BIRC6: variants seen among roughly 807,000 people sequenced by gnomAD.
BIRC6 encodes the protein dual E2 ubiquitin-conjugating enzyme/E3 ubiquitin-protein ligase BIRC6.
In BIRC6, 98 loss-of-function variants were observed where a neutral mutation model predicts 503.3. That is an observed-to-expected ratio of 0.19 (90% confidence interval 0.17 to 0.23). The LOEUF (loss-of-function observed/expected upper bound fraction) is 0.23. Ranked by LOEUF, BIRC6 falls within the 10% of genes least tolerant of loss-of-function variation. The probability of loss-of-function intolerance (pLI) is 1.00; values close to 1 mark genes in which losing one functional copy is unlikely to be tolerated. For missense variants in BIRC6, 5,360 were observed against 5,806.0 expected (o/e 0.92, Z 2.50); for synonymous variants, 2,240 against 2,078.7 (o/e 1.08, Z -2.11).
chr2:32,463,111 A>G (rs559849447), intron 23 of BIRC6, 83 bp from the exon 24 acceptor site: 5 of 1,217,266 alleles, frequency 4.1e-6, no homozygotes, highest in East Asian at 2.6e-5. Context: ...AATAGTGCCA[A>G]AATATTTGAA....
intron 8 of BIRC6, among the ~76,000 whole-genome samples, chr2:32,404,300 T>A (rs370760143): frequency 6.6e-6 from 1 of 152,088 alleles, no homozygotes; most frequent in Non-Finnish European, 1.5e-5. Flanking sequence ...GTGTACAATT[T>A]AGTTATTTTA....
intron 73 of BIRC6, among the ~76,000 whole-genome samples, chr2:32,616,484 T>TC (rs1559164868): frequency 6.9e-6 from 1 of 144,616 alleles, no homozygotes; most frequent in Non-Finnish European, 1.5e-5. Flanking sequence ...TGCTTGCGTC[T>TC]GGGAGGTGGA....
chr2:32,374,209 TAA>T (rs1381204212), intron 1 of BIRC6, among the ~76,000 whole-genome samples: 2 of 152,166 alleles, frequency 1.3e-5, no homozygotes, highest in Non-Finnish European at 2.9e-5. Context: ...AAAAACTACA[TAA>T]TTGAAAAAAA....
At chr2:32,560,798 G>T (rs1358799429) in intron 65 of BIRC6, among the ~76,000 whole-genome samples, 2 of 151,524 alleles carry the variant, frequency 1.3e-5, no homozygotes, top group African/African-American at 4.9e-5. Flanking sequence ...AAAACTCCTG[G>T]CCTTAAGCAA....
chr2:32,477,196 T>C (rs947306563), intron 34 of BIRC6, among the ~76,000 whole-genome samples, 172 bp from the exon 35 acceptor site: 1 of 152,220 alleles, frequency 6.6e-6, no homozygotes, highest in Admixed American at 6.5e-5. Context: ...AAGTAAGGTA[T>C]ATTGGTCAGT....
intron 22 of BIRC6, among the ~76,000 whole-genome samples, chr2:32,451,225 T>G (rs1325275338): frequency 6.6e-6 from 1 of 152,248 alleles, no homozygotes; most frequent in African/African-American, 2.4e-5. Flanking sequence ...GTTCAAAGTT[T>G]CTAATACAGC....
intron 53 of BIRC6, among the ~76,000 whole-genome samples, chr2:32,511,201 C>CTTTTTTTTTT: frequency 0.027 from 1,327 of 48,428 alleles, no homozygotes; most frequent in Middle Eastern, 0.053. Flanking sequence ...CTTTTCTTTT[C>CTTTTTTTTTT]TTTTTTTTTT....
chr2:32,364,362 C>T (rs2034566017), intron 1 of BIRC6, among the ~76,000 whole-genome samples: 1 of 152,164 alleles, frequency 6.6e-6, no homozygotes, highest in Non-Finnish European at 1.5e-5. Flanking sequence ...GCCTCAGCCT[C>T]CTGAGTAGCT....
chr2:32,419,203 A>C (rs1056673562), intron 10 of BIRC6, among the ~76,000 whole-genome samples: 1 of 152,250 alleles, frequency 6.6e-6, no homozygotes, highest in African/African-American at 2.4e-5. Context: ...ATGTACATGT[A>C]TGATTTTTAA....
chr2:32,604,397 C>G (rs889345606), intron 71 of BIRC6, among the ~76,000 whole-genome samples: 8 of 152,100 alleles, frequency 5.3e-5, no homozygotes, highest in Admixed American at 2.0e-4. Flanking sequence ...ATGACTGTGT[C>G]CAGTTCAGAC....
At chr2:32,366,353 CA>C (rs2034927459) in intron 1 of BIRC6, among the ~76,000 whole-genome samples, 1 of 152,174 alleles carries the variant, frequency 6.6e-6, no homozygotes, top group Non-Finnish European at 1.5e-5. Context: ...ATTTTCTCTT[CA>C]CTTGTTCTTT....
intron 39 of BIRC6, among the ~76,000 whole-genome samples, chr2:32,484,574 A>G (rs1252914594): frequency 6.6e-6 from 1 of 151,962 alleles, no homozygotes; most frequent in Non-Finnish European, 1.5e-5. Context: ...AAAGAAAGAA[A>G]GAAAGAAAAA....
In BIRC6 at chr2:32,464,231, A is replaced by G. The variant is rs1452577609; in HGVS notation, c.4942-278A>G. Among the ~76,000 whole-genome samples, 6 of 152,222 alleles carry G rather than the reference A, an allele frequency of 3.9e-5. No individual in the cohort carries two copies. In the East Asian group the frequency reaches 1.2e-3, roughly 29 times the overall value. ...CTCCTTATAATATTTTGTTTTGAGC[A>G]GATATTCCTTATTTACATTAATTGT... On this transcript the variant is annotated intron_variant, in intron 24 of 73. Coordinates refer to ENST00000421745, the MANE Select transcript of BIRC6 (RefSeq NM_016252.4).
intron 5 of BIRC6, 121 bp downstream of exon 5, chr2:32,392,271 T>C: frequency 3.0e-6 from 2 of 669,614 alleles, no homozygotes; most frequent in Non-Finnish European, 5.0e-6. Context: ...CTTGCTTGTA[T>C]GCATGGATGC....
At chr2:32,526,205 A>G (rs1025786548) in intron 59 of BIRC6, among the ~76,000 whole-genome samples, 6 of 152,154 alleles carry the variant, frequency 3.9e-5, no homozygotes, top group Admixed American at 3.9e-4. Flanking sequence ...CAGTTTTTTC[A>G]GTGTCCACAA....
chr2:32,547,383 C>T (rs1428349615), intron 63 of BIRC6, among the ~76,000 whole-genome samples: 1 of 152,088 alleles, frequency 6.6e-6, no homozygotes, highest in African/African-American at 2.4e-5. Flanking sequence ...TCCCCCAGCC[C>T]CTGGCAATTA....
At position 32,415,489 on chromosome 2, in the gene BIRC6, T is replaced by C; in HGVS notation, c.2198T>C (p.Ile733Thr). The change falls in exon 10 of 74, where the codon ATA (isoleucine) becomes ACA (threonine). Residue 733 changes from isoleucine to threonine, a missense_variant. Ile to Thr is a moderately conservative substitution (Grantham distance 89). This residue lies in a region of BIRC6 where 700 missense variants were observed against 739.3 expected (regional missense o/e 0.95). Coordinates refer to ENST00000421745, the MANE Select transcript of BIRC6 (RefSeq NM_016252.4). ...PKFAEEENLCIDSITPCADGI... is the reference protein window; with the variant it reads ...PKFAEEENLCTDSITPCADGI... ...TTTGCAGAGGAGGAGAATCTTTGTA[T>C]AGACTCAATAACTCCTTGTGCTGAC... is the stretch of plus-strand genomic sequence containing the variant. 6.2e-7 allele frequency: 1 copy of C among 1,614,052 alleles called. No individual in the cohort carries two copies. The highest frequency in any genetic ancestry group is 8.5e-7 in the Non-Finnish European group (1 of 1,179,904).
At chr2:32,563,937 G>A (rs1035081965) in intron 65 of BIRC6, 1 of 152,228 alleles carries the variant, frequency 6.6e-6, no homozygotes, top group Admixed American at 6.6e-5. Context: ...AATGAGCCGA[G>A]TGTGGTGGTG....
At chr2:32,523,920 T>C (rs2056007668) in intron 57 of BIRC6, among the ~76,000 whole-genome samples, 1 of 152,112 alleles carries the variant, frequency 6.6e-6, no homozygotes, top group South Asian at 2.1e-4. Context: ...GGCATGTGCC[T>C]GTGGTCTCAG....
Sources: gnomAD v4.1 joint callset for allele counts (sites outside exome capture counted in the v4.1 genomes callset) on GRCh38, gnomAD v4.1.1 for gene constraint, gnomAD v4.1.1 regional missense constraint, MANE v1.5 for transcripts, NCBI Gene and HGNC (gene_info 2026-07-23, HGNC 2026-07-21) for gene names.